The following EXOC1L variants were observed in gnomAD, a reference collection of about 807,000 sequenced individuals.
The protein encoded by EXOC1L is exocyst complex component 1 like, also known as exocyst complex component 1-like.
EXOC1L carries 10 observed loss-of-function variants against 4.9 expected under a neutral mutation model. The observed-to-expected ratio is 2.02, with a 90% CI of 1.25 to 3.43. The LOEUF is 3.43. Ranked by LOEUF, EXOC1L falls within the 30% of genes most tolerant of loss-of-function variation. The pLI is 0.00. For synonymous variants in EXOC1L, 41 were observed against 20.8 expected, an observed-to-expected ratio of 1.97 and a Z score of -2.63; for missense variants, 114 against 59.4, an observed-to-expected ratio of 1.92 and a Z score of -3.02.
chr4:55,837,238 A>G lies in EXOC1L; in HGVS notation c.406A>G (p.Ile136Val), dbSNP rs1183038939. ...LQIVNFDSTYINDDSIWSSNN... is the reference protein window; with the variant it reads ...LQIVNFDSTYVNDDSIWSSNN... ...GATCGTGAACTTTGATTCTACATAC[A>G]TTAACGATGATTCCATTTGGTCCTC... The change falls in exon 3 of 3, where the codon ATT becomes GTT. Residue 136 changes from isoleucine to valine, a missense_variant. Physicochemically the swap from Ile to Val is conservative, Grantham distance 29. Transcript: ENST00000636125. The G allele has an allele frequency of 5.7e-6, 4 of 701,564 alleles. No individual in the cohort carries two copies. Among genetic ancestry groups the G allele is most frequent in the Non-Finnish European group, 1.0e-5 (4 of 384,174 alleles). 43.5% of individuals were successfully genotyped at this position (701,564 alleles called of 1,614,324 possible).
At chr4:55,823,773 A>G (rs1163689787) in intron 1 of EXOC1L, among the ~76,000 whole-genome samples, 1 of 152,072 alleles carries the variant, frequency 6.6e-6, no homozygotes, top group Non-Finnish European at 1.5e-5. Flanking sequence ...CAGTGTCACG[A>G]TTTCGGCTCA....
chr4:55,822,879 A>G (rs1169396587), intron 1 of EXOC1L, among the ~76,000 whole-genome samples: 2 of 152,064 alleles, frequency 1.3e-5, no homozygotes, highest in African/African-American at 2.4e-5. Context: ...TAATTTTCAG[A>G]TATACAGAAA....
intron 1 of EXOC1L, among the ~76,000 whole-genome samples, chr4:55,822,642 C>A (rs1040031482): frequency 1.3e-5 from 2 of 152,214 alleles, no homozygotes; most frequent in Non-Finnish European, 2.9e-5. Context: ...GACCTTCACA[C>A]ACTTGGAATC....
At chr4:55,829,249 C>T (rs913787325) in intron 1 of EXOC1L, among the ~76,000 whole-genome samples, 9 of 152,158 alleles carry the variant, frequency 5.9e-5, no homozygotes, top group African/African-American at 1.9e-4. Flanking sequence ...AGGCACTATC[C>T]TAAGTTCTTT....
intron 2 of EXOC1L, among the ~76,000 whole-genome samples, chr4:55,834,875 G>T (rs186322846): frequency 6.6e-6 from 1 of 151,670 alleles, no homozygotes; most frequent in Admixed American, 6.6e-5. Flanking sequence ...GTGGTGTCTG[G>T]TTACATGAGT....
At chr4:55,835,221 T>TTA (rs1478638202) in intron 2 of EXOC1L, among the ~76,000 whole-genome samples, 1 of 150,748 alleles carries the variant, frequency 6.6e-6, no homozygotes, top group African/African-American at 2.4e-5. Flanking sequence ...ATAATATATG[T>TTA]TATATATATT....
intron 2 of EXOC1L, among the ~76,000 whole-genome samples, chr4:55,832,846 T>C (rs1720068446): frequency 6.6e-6 from 1 of 152,006 alleles, no homozygotes; most frequent in African/African-American, 2.4e-5. Flanking sequence ...TTCATTCATT[T>C]ATTGAGAATT....
chr4:55,831,467 A>C lies in EXOC1L; in HGVS notation c.252+3A>C. ...TTGATGGAAAAGAAGCAGATACTGTAAGTGTTACATTTTATAAGGAGATGT... is the reference window on the plus strand; with the variant it reads ...TTGATGGAAAAGAAGCAGATACTGTCAGTGTTACATTTTATAAGGAGATGT... On this transcript the variant is annotated splice_donor_region_variant and intron_variant, in intron 2 of 2. Transcript: ENST00000636125. 1 of 682,060 alleles carries C rather than the reference A, an allele frequency of 1.5e-6. No homozygotes were observed. Among genetic ancestry groups the C allele is most frequent in the Non-Finnish European group, 2.6e-6 (1 of 377,944 alleles). The allele number at this position is 682,060 out of a possible 1,614,324, so 42.3% of individuals were successfully genotyped here.
chr4:55,822,183 T>A (rs1719761951), intron 1 of EXOC1L, among the ~76,000 whole-genome samples: 1 of 152,200 alleles, frequency 6.6e-6, no homozygotes, highest in East Asian at 1.9e-4. Context: ...CAAAAATATG[T>A]TTAAATATGG....
At chr4:55,822,690 C>T (rs1360363070) in intron 1 of EXOC1L, among the ~76,000 whole-genome samples, 2 of 152,120 alleles carry the variant, frequency 1.3e-5, no homozygotes, top group Non-Finnish European at 1.5e-5. Context: ...TGCTTTGCCA[C>T]CCACCAGCTG....
At chr4:55,823,702 T>TGTTTGTTTGTTC (rs1156275637) in intron 1 of EXOC1L, among the ~76,000 whole-genome samples, 1 of 135,024 alleles carries the variant, frequency 7.4e-6, no homozygotes, top group East Asian at 2.0e-4. Flanking sequence ...TTTGTTTGTT[T>TGTTTGTTTGTTC]GTTTGTTTGT....
rs1344111337 is a variant in EXOC1L, at chr4:55,837,102, T to A, written c.270T>A (p.Asp90Glu). 2.9e-6 allele frequency: 2 copies of A among 700,176 alleles called. No homozygotes were observed. The highest frequency in any genetic ancestry group is 4.0e-5 in the Admixed American group (2 of 49,840). The allele number at this position is 700,176 out of a possible 1,614,324, so 43.4% of individuals were successfully genotyped here. ...KEADTDNPFF[D>E]LHFKKVYSLE... ...TCTTCCAGGACAATCCATTTTTTGA[T>A]CTGCACTTCAAGAAAGTGTACAGTT... is the stretch of plus-strand genomic sequence containing the variant. Residue 90 changes from aspartate (D) to glutamate (E), a missense_variant, in exon 3 of 3, where the codon GAT becomes GAA. Coordinates refer to ENST00000636125, the MANE Select transcript of EXOC1L (RefSeq NM_001351574.3).
chr4:55,830,891 T>A (rs1421611505), intron 1 of EXOC1L, among the ~76,000 whole-genome samples: 1 of 152,206 alleles, frequency 6.6e-6, no homozygotes, highest in Non-Finnish European at 1.5e-5. Flanking sequence ...TCTTCAACAC[T>A]GTGTTGCTGT....
At chr4:55,828,413 C>T (rs1390132179) in intron 1 of EXOC1L, among the ~76,000 whole-genome samples, 1 of 152,158 alleles carries the variant, frequency 6.6e-6, no homozygotes, top group Non-Finnish European at 1.5e-5. Context: ...ACTTCACCAT[C>T]CTCTTGATTC....
chr4:55,824,487 T>C (rs771814231), intron 1 of EXOC1L, among the ~76,000 whole-genome samples: 1 of 152,124 alleles, frequency 6.6e-6, no homozygotes, highest in Non-Finnish European at 1.5e-5. Context: ...CTCAGCCTCC[T>C]GAGTAGCTGG....
chr4:55,822,986 T>G (rs1719785191), intron 1 of EXOC1L, among the ~76,000 whole-genome samples: 1 of 151,106 alleles, frequency 6.6e-6, no homozygotes, highest in Admixed American at 6.6e-5. Context: ...TAAACATGTG[T>G]GTATATTTAA....
At chr4:55,825,193 A>C (rs1719849383) in intron 1 of EXOC1L, among the ~76,000 whole-genome samples, 1 of 152,206 alleles carries the variant, frequency 6.6e-6, no homozygotes, top group South Asian at 2.1e-4. Flanking sequence ...GTGATAGATA[A>C]AATTCCTGTT....
Position 55,831,450 on chromosome 4 carries a change from AAAG to A in EXOC1L, c.242_244del (p.Glu81del). On this transcript the variant is annotated inframe_deletion, in exon 2 of 3. Coordinates refer to ENST00000636125, the MANE Select transcript of EXOC1L (RefSeq NM_001351574.3). ...GAACGATCTGCAGATGATTGATGGA[AAAG>A]AAGCAGATACTGTAAGTGTTACATT... The A allele has an allele frequency of 2.9e-6, 2 of 691,624 alleles. No individual in the cohort carries two copies. The highest frequency in any genetic ancestry group is 3.1e-5 in the South Asian group (2 of 64,832). The allele number at this position is 691,624 out of a possible 1,614,324, so 42.8% of individuals were successfully genotyped here.
chr4:55,823,025 A>G (rs1374108429), intron 1 of EXOC1L, among the ~76,000 whole-genome samples: 1 of 151,102 alleles, frequency 6.6e-6, no homozygotes, highest in African/African-American at 2.4e-5. Flanking sequence ...TATATTGTAT[A>G]TTATGTTAAT....
Sources: gnomAD v4.1 joint callset for allele counts (sites outside exome capture counted in the v4.1 genomes callset) on GRCh38, gnomAD v4.1.1 for gene constraint, MANE v1.5 for transcripts, NCBI Gene and HGNC (gene_info 2026-07-23, HGNC 2026-07-21) for gene names.